Variants in TSC22D1 observed in about 807,000 individuals in gnomAD.
TSC22D1 encodes the protein TSC22 domain family member 1.
A neutral mutation model predicts 74.2 loss-of-function variants in TSC22D1; 9 were observed. The observed-to-expected ratio is 0.12, with a 90% CI of 0.07 to 0.21. TSC22D1 has a LOEUF of 0.21. Among genes scored for constraint, TSC22D1 ranks in the 10% least tolerant of loss-of-function variants. The pLI, the probability that TSC22D1 is intolerant of heterozygous loss-of-function variation, is 1.00. For synonymous variants in TSC22D1, 586 were observed against 492.5 expected (o/e 1.19, Z -2.51); for missense variants, 1,427 against 1,304.7 (o/e 1.09, Z -1.44).
At chr13:44,488,458 AC>A (rs538345092) in intron 1 of TSC22D1, among the ~76,000 whole-genome samples, 8 of 152,230 alleles carry the variant, frequency 5.3e-5, no homozygotes, top group Non-Finnish European at 1.0e-4. Flanking sequence ...CTTTTTTTCC[AC>A]TGTGACTACC....
intron 1 of TSC22D1, among the ~76,000 whole-genome samples, chr13:44,562,566 G>A (rs758719645): frequency 6.6e-6 from 1 of 151,816 alleles, no homozygotes; most frequent in Non-Finnish European, 1.5e-5. Flanking sequence ...TTCCTTTTTG[G>A]TAGAGACCTA....
In TSC22D1 at chr13:44,573,387, C is replaced by A; in HGVS notation, c.2688G>T (p.Gln896His). The change falls in exon 1 of 3, where the codon CAG becomes CAT. Residue 896 changes from glutamine to histidine, a missense_variant. Physicochemically the swap from Gln to His is conservative, Grantham distance 24 (BLOSUM62 0). Coordinates refer to ENST00000458659, the MANE Select transcript of TSC22D1 (RefSeq NM_183422.4). The stretch of plus-strand genomic sequence containing the variant: ...CCTGAGCTAATGATTGTGCGGAGAA[C>A]TGGGTAGAACTTAGTGGTATCTGTT... ...LAQQIPLSST[Q>H]FSAQSLAQAI... 6.2e-7 allele frequency: 1 copy of A among 1,614,252 alleles called. No homozygotes were observed. The highest frequency in any genetic ancestry group is 1.3e-5 in the African/African-American group (1 of 75,060).
intron 1 of TSC22D1, among the ~76,000 whole-genome samples, chr13:44,498,514 G>C (rs2137976622): frequency 6.6e-6 from 1 of 152,186 alleles, no homozygotes; most frequent in South Asian, 2.1e-4. Context: ...TTGGATAATG[G>C]TTGGTATACA....
At chr13:44,539,291 C>T (rs955662623) in intron 1 of TSC22D1, 12 of 985,272 alleles carry the variant, frequency 1.2e-5, no homozygotes, top group Non-Finnish European at 1.4e-5. Context: ...TTTAAAAGAT[C>T]TAATATGAAG....
chr13:44,523,373 G>T (rs1286991472), intron 1 of TSC22D1, among the ~76,000 whole-genome samples: 1 of 152,130 alleles, frequency 6.6e-6, no homozygotes, highest in Non-Finnish European at 1.5e-5. Context: ...ATTCAGAACT[G>T]CCAAAAACAT....
At chr13:44,482,348 C>T (rs1878216357) in intron 1 of TSC22D1, among the ~76,000 whole-genome samples, 1 of 151,874 alleles carries the variant, frequency 6.6e-6, no homozygotes. Flanking sequence ...CAGTCTGGCC[C>T]ACATGGCAAA....
At chr13:44,551,548 G>A (rs951943938) in intron 1 of TSC22D1, among the ~76,000 whole-genome samples, 1 of 151,982 alleles carries the variant, frequency 6.6e-6, no homozygotes. Flanking sequence ...AGCCTCCCAA[G>A]TAGCTGGGAT....
chr13:44,532,556 C>A (rs1320248184), intron 1 of TSC22D1, among the ~76,000 whole-genome samples: 3 of 152,178 alleles, frequency 2.0e-5, no homozygotes, highest in African/African-American at 7.2e-5. Flanking sequence ...TCACTGCAAG[C>A]TCCGCCTCCC....
In TSC22D1 at chr13:44,560,258, C is replaced by T. The variant is rs944010208; in HGVS notation, c.2912+12905G>A. ...CACCCTGGGCAACATGGTGAAACCT[C>T]GTCTCTTTTTAAAAAAATAAAAAGG... On this transcript the variant is annotated intron_variant, in intron 1 of 2. Coordinates refer to ENST00000458659, the MANE Select transcript of TSC22D1 (RefSeq NM_183422.4). Among the ~76,000 whole-genome samples the T allele has an allele frequency of 6.6e-5, 10 of 151,760 alleles. No individual in the cohort carries two copies. In the South Asian group the frequency reaches 1.2e-3, roughly 19 times the overall value.
At chr13:44,482,121 GTATGT>G (rs1878205147) in intron 1 of TSC22D1, among the ~76,000 whole-genome samples, 1 of 152,166 alleles carries the variant, frequency 6.6e-6, no homozygotes, top group Non-Finnish European at 1.5e-5. Context: ...TAAATTTGCA[GTATGT>G]TATAAAAGAA....
intron 1 of TSC22D1, among the ~76,000 whole-genome samples, chr13:44,464,849 T>G (rs536931991): frequency 6.6e-6 from 1 of 152,240 alleles, no homozygotes; most frequent in Non-Finnish European, 1.5e-5. Flanking sequence ...GCAGCGCCCC[T>G]GGTTTGGAGC....
intron 1 of TSC22D1, among the ~76,000 whole-genome samples, chr13:44,499,000 C>T (rs1879103469): frequency 6.6e-6 from 1 of 152,108 alleles, no homozygotes; most frequent in African/African-American, 2.4e-5. Flanking sequence ...AGACTGCAGT[C>T]AAGGCAAAAT....
At chr13:44,560,683 T>A (rs1882981166) in intron 1 of TSC22D1, among the ~76,000 whole-genome samples, 1 of 152,232 alleles carries the variant, frequency 6.6e-6, no homozygotes, top group Non-Finnish European at 1.5e-5. Context: ...TTGTCTATGC[T>A]TAAATGATAC....
intron 1 of TSC22D1, among the ~76,000 whole-genome samples, chr13:44,501,876 T>C (rs1228453097): frequency 6.6e-6 from 1 of 152,172 alleles, no homozygotes; most frequent in Non-Finnish European, 1.5e-5. Context: ...CAAATGATCT[T>C]TATACTTAAC....
At chr13:44,518,736 T>C (rs1390240760) in intron 1 of TSC22D1, among the ~76,000 whole-genome samples, 4 of 152,178 alleles carry the variant, frequency 2.6e-5, no homozygotes, top group African/African-American at 4.8e-5. Flanking sequence ...TTGTATTTAA[T>C]AGGCAAACTG....
intron 1 of TSC22D1, among the ~76,000 whole-genome samples, chr13:44,565,712 A>G (rs1415177638): frequency 6.6e-6 from 1 of 152,142 alleles, no homozygotes; most frequent in Non-Finnish European, 1.5e-5. Flanking sequence ...ATATTTTTAA[A>G]TTAAACTTTC....
intron 1 of TSC22D1, among the ~76,000 whole-genome samples, chr13:44,533,692 AGAATCACTT>A (rs1880983563): frequency 6.6e-6 from 1 of 152,142 alleles, no homozygotes; most frequent in African/African-American, 2.4e-5. Flanking sequence ...CTGAGGTGGG[AGAATCACTT>A]GAACCCAGGA....
rs1009293645 is a variant in TSC22D1, at chr13:44,538,172, T to C, written c.2912+34991A>G. On this transcript the variant is annotated intron_variant, in intron 1 of 2. Transcript: ENST00000458659. ...TTTGTGACAGTACCAAACTTTAGAA[T>C]GCCTTCAGTATGAAAAAAATACCTC... The C allele has an allele frequency of 3.0e-5, 30 of 985,236 alleles. No individual in the cohort carries two copies. In the African/African-American group the frequency reaches 5.2e-4, roughly 17 times the overall value. 61.0% of individuals were successfully genotyped at this position (985,236 alleles called of 1,614,324 possible).
At chr13:44,453,532 A>G (rs1431825918) in intron 1 of TSC22D1, among the ~76,000 whole-genome samples, 1 of 152,244 alleles carries the variant, frequency 6.6e-6, no homozygotes, top group Non-Finnish European at 1.5e-5. Context: ...TCATTAACAC[A>G]AACAAATCTG....
Sources: allele counts gnomAD v4.1 joint callset (sites outside exome capture counted in the v4.1 genomes callset), GRCh38; gene constraint gnomAD v4.1.1; transcripts MANE v1.5; gene names NCBI Gene and HGNC (gene_info 2026-07-23, HGNC 2026-07-21).